RBM20: variants seen among roughly 807,000 people sequenced by gnomAD.
RBM20 encodes RNA binding motif protein 20.
Under a neutral mutation model 110.1 loss-of-function variants are expected in RBM20, and 51 were observed. That is an observed-to-expected ratio of 0.46 (90% CI 0.37 to 0.59). The LOEUF is 0.59. Ranked by LOEUF, RBM20 falls within the 20% of genes least tolerant of loss-of-function variation. The pLI is 0.00. For synonymous variants in RBM20, 589 were observed against 618.2 expected (o/e 0.95, Z 0.70); for missense variants, 1,512 against 1,574.9 (o/e 0.96, Z 0.68).
intron 2 of RBM20, 67 bp downstream of exon 2, chr10:110,781,951 A>G (rs1027616105): frequency 3.9e-6 from 6 of 1,539,832 alleles, no homozygotes; most frequent in Non-Finnish European, 5.3e-6. Flanking sequence ...CCATGACCCA[A>G]CTCACGCTGC....
chr10:110,653,059 C>A (rs1486282811), intron 1 of RBM20, among the ~76,000 whole-genome samples: 1 of 152,196 alleles, frequency 6.6e-6, no homozygotes, highest in African/African-American at 2.4e-5. Context: ...TCTTTTTCCC[C>A]AGATCCTTAA....
chr10:110,683,288 T>C (rs1326589631), intron 1 of RBM20, among the ~76,000 whole-genome samples: 1 of 152,232 alleles, frequency 6.6e-6, no homozygotes, highest in Non-Finnish European at 1.5e-5. Context: ...GAAGGCAGTT[T>C]TATTTTTTGG....
intron 1 of RBM20, among the ~76,000 whole-genome samples, chr10:110,662,885 T>G (rs1193749950): frequency 6.6e-6 from 1 of 152,168 alleles, no homozygotes; most frequent in African/African-American, 2.4e-5. Flanking sequence ...CATCCCTACA[T>G]TGGACATCCC....
chr10:110,692,070 G>T (rs1289908680), intron 1 of RBM20, among the ~76,000 whole-genome samples: 1 of 151,944 alleles, frequency 6.6e-6, no homozygotes, highest in Admixed American at 6.6e-5. Flanking sequence ...GTTGAAAATT[G>T]ATCATATATG....
intron 2 of RBM20, among the ~76,000 whole-genome samples, chr10:110,783,003 GGATAT>G (rs930438569): frequency 2.0e-5 from 3 of 151,616 alleles, no homozygotes; most frequent in African/African-American, 7.3e-5. Context: ...TCTCCCAACT[GGATAT>G]GAAATAGGTG....
chr10:110,744,042 T>C (rs1171060738), intron 1 of RBM20, among the ~76,000 whole-genome samples: 1 of 152,174 alleles, frequency 6.6e-6, no homozygotes, highest in Admixed American at 6.5e-5. Flanking sequence ...AGTAGAATGA[T>C]TGGGAGTACA....
chr10:110,718,622 C>CT (rs1370907526), intron 1 of RBM20, among the ~76,000 whole-genome samples: 114 of 60,104 alleles, frequency 1.9e-3, no homozygotes, highest in Admixed American at 3.0e-3. Context: ...TTTTTTTTTT[C>CT]TTTTTTTTTT....
chr10:110,783,225 A>G (rs1271609893), intron 2 of RBM20, 141 bp from the exon 3 acceptor site: 3 of 627,876 alleles, frequency 4.8e-6, no homozygotes, highest in Non-Finnish European at 9.0e-6. Flanking sequence ...GGAGAGAGGA[A>G]GGGTGGAGGG....
At chr10:110,767,239 C>T (rs1177627881) in intron 1 of RBM20, among the ~76,000 whole-genome samples, 6 of 125,768 alleles carry the variant, frequency 4.8e-5, no homozygotes, top group South Asian at 5.5e-4. Flanking sequence ...CCCTCCCGGA[C>T]GGGGTGGCTG....
intron 1 of RBM20, among the ~76,000 whole-genome samples, chr10:110,747,956 A>C (rs1168784256): frequency 2.0e-5 from 3 of 152,190 alleles, no homozygotes; most frequent in Admixed American, 2.0e-4. Context: ...AACTTCTTTG[A>C]AATATTACGT....
At chr10:110,708,355 C>G (rs1302591006) in intron 1 of RBM20, among the ~76,000 whole-genome samples, 2 of 152,154 alleles carry the variant, frequency 1.3e-5, no homozygotes, top group African/African-American at 4.8e-5. Context: ...TAACGTTTAT[C>G]AGATTGTTTT....
intron 1 of RBM20, among the ~76,000 whole-genome samples, chr10:110,763,840 A>G (rs1284455747): frequency 6.7e-6 from 1 of 150,344 alleles, no homozygotes. Flanking sequence ...CTCAACTGCA[A>G]CACTATTGAT....
intron 12 of RBM20, 106 bp downstream of exon 12, chr10:110,823,720 C>T (rs1181508213): frequency 4.0e-6 from 5 of 1,258,744 alleles, no homozygotes; most frequent in Non-Finnish European, 5.6e-6. Context: ...TTGTTGACAT[C>T]GTTTTTTGTT....
At chr10:110,762,561 T>C (rs990653899) in intron 1 of RBM20, among the ~76,000 whole-genome samples, 2 of 152,234 alleles carry the variant, frequency 1.3e-5, no homozygotes, top group African/African-American at 4.8e-5. Context: ...ATTTCAATAA[T>C]CAAGCTCACA....
At chr10:110,830,438 T>C (rs1845035809) in intron 12 of RBM20, among the ~76,000 whole-genome samples, 1 of 152,160 alleles carries the variant, frequency 6.6e-6, no homozygotes, top group African/African-American at 2.4e-5. Context: ...AAAATGTTAA[T>C]GATATACAAT....
At chr10:110,701,821 T>A (rs1182248332) in intron 1 of RBM20, among the ~76,000 whole-genome samples, 1 of 152,168 alleles carries the variant, frequency 6.6e-6, no homozygotes, top group African/African-American at 2.4e-5. Flanking sequence ...AGGTTCTGAG[T>A]TTCAATCCCC....
chr10:110,833,935 T>C (rs1845090947), intron 13 of RBM20, among the ~76,000 whole-genome samples: 1 of 152,148 alleles, frequency 6.6e-6, no homozygotes, highest in African/African-American at 2.4e-5. Context: ...CAGCAGGTAA[T>C]GGCTGACACT....
At chr10:110,797,415 G>A (rs980567249) in intron 5 of RBM20, 93 bp from the exon 6 acceptor site, 28 of 1,247,368 alleles carry the variant, frequency 2.2e-5, no homozygotes, top group African/African-American at 3.0e-5. Flanking sequence ...TACAATCATT[G>A]TTTAGGGGAA....
chr10:110,825,994 G>A (rs1334061020), intron 12 of RBM20, among the ~76,000 whole-genome samples: 1 of 152,222 alleles, frequency 6.6e-6, no homozygotes, highest in Non-Finnish European at 1.5e-5. Flanking sequence ...TTTCAGATGT[G>A]CTTGTTCAGT....
Sources: allele counts gnomAD v4.1 joint callset (sites outside exome capture counted in the v4.1 genomes callset), GRCh38; gene constraint gnomAD v4.1.1; transcripts MANE v1.5; gene names NCBI Gene and HGNC (gene_info 2026-07-23, HGNC 2026-07-21).